TBCK: variants seen among roughly 807,000 people sequenced by gnomAD.
TBCK encodes the protein TBC1 domain containing kinase.
Under a neutral mutation model 113.4 loss-of-function variants are expected in TBCK, and 99 were observed. The observed-to-expected ratio is 0.87, with a 90% CI of 0.74 to 1.03. The LOEUF (loss-of-function observed/expected upper bound fraction) is 1.03, where lower values mean the gene tolerates loss of function less well. TBCK is among the 50% of genes least tolerant of loss of function. The probability of loss-of-function intolerance (pLI) is 0.00; values close to 1 mark genes in which losing one functional copy is unlikely to be tolerated. For synonymous variants in TBCK, 369 were observed against 370.8 expected, an observed-to-expected ratio of 1.00 and a Z score of 0.05; for missense variants, 1,045 against 1,061.3, an observed-to-expected ratio of 0.98 and a Z score of 0.21.
At chr4:106,285,652 G>C (rs1448345063) in intron 3 of TBCK, among the ~76,000 whole-genome samples, 1 of 152,078 alleles carries the variant, frequency 6.6e-6, no homozygotes, top group Non-Finnish European at 1.5e-5. Flanking sequence ...TGATGCTTAT[G>C]TTTAGAAAAT....
intron 1 of TBCK, among the ~76,000 whole-genome samples, chr4:106,311,227 ACAC>A (rs1768164962): frequency 1.3e-5 from 2 of 151,674 alleles, no homozygotes; most frequent in African/African-American, 4.8e-5. Flanking sequence ...ACACACACAC[ACAC>A]ACACACACAC....
chr4:106,224,849 A>T (rs1437269556), intron 19 of TBCK, among the ~76,000 whole-genome samples: 1 of 152,122 alleles, frequency 6.6e-6, no homozygotes, highest in Non-Finnish European at 1.5e-5. Context: ...TCCTACTCAA[A>T]CTTCAAATTC....
intron 19 of TBCK, among the ~76,000 whole-genome samples, chr4:106,219,232 AG>A (rs1375953645): frequency 2.3e-5 from 2 of 86,892 alleles, no homozygotes; most frequent in East Asian, 8.4e-4. Context: ...GGGTGGGGGG[AG>A]GGGGGAGGGA....
At chr4:106,292,244 G>A (rs1248346758) in intron 3 of TBCK, among the ~76,000 whole-genome samples, 1 of 152,052 alleles carries the variant, frequency 6.6e-6, no homozygotes, top group African/African-American at 2.4e-5. Context: ...ACAACGTTTT[G>A]CAGGATATGA....
chr4:106,241,971 C>T (rs11097926), intron 12 of TBCK, among the ~76,000 whole-genome samples: 152,036 of 152,040 alleles, frequency 1, 76,016 homozygotes, highest in Non-Finnish European at 1. Context: ...CCATGACATA[C>T]AGCTCACAAA....
chr4:106,280,623 A>T (rs1031353845), intron 3 of TBCK, among the ~76,000 whole-genome samples: 3 of 152,240 alleles, frequency 2.0e-5, no homozygotes, highest in African/African-American at 7.2e-5. Context: ...TGAGAGACAG[A>T]GGTCTAGTTT....
At chr4:106,063,822 A>G (rs1024097134) in intron 25 of TBCK, among the ~76,000 whole-genome samples, 1 of 151,828 alleles carries the variant, frequency 6.6e-6, no homozygotes, top group African/African-American at 2.4e-5. Flanking sequence ...CAGCATAAAG[A>G]TGGCCATATA....
chr4:106,244,499 T>C (rs1019478441), intron 11 of TBCK, 127 bp downstream of exon 11: 22 of 831,002 alleles, frequency 2.6e-5, no homozygotes, highest in Non-Finnish European at 3.4e-5. Flanking sequence ...CTGGGATGCC[T>C]ACCAAAAAAA....
intron 25 of TBCK, among the ~76,000 whole-genome samples, chr4:106,091,331 G>C (rs2149509422): frequency 6.6e-6 from 1 of 152,304 alleles, no homozygotes; most frequent in South Asian, 2.1e-4. Flanking sequence ...TTATTACCAT[G>C]GAGAGGACAT....
At chr4:106,056,167 T>C (rs575315809) in intron 25 of TBCK, among the ~76,000 whole-genome samples, 77 of 151,594 alleles carry the variant, frequency 5.1e-4, no homozygotes, top group African/African-American at 1.8e-3. Flanking sequence ...AATCACATTC[T>C]TTTCAAACCT....
At chr4:106,144,727 G>A (rs1014198952) in intron 23 of TBCK, among the ~76,000 whole-genome samples, 2 of 151,846 alleles carry the variant, frequency 1.3e-5, no homozygotes, top group African/African-American at 4.8e-5. Context: ...CCTCTAACTT[G>A]TTCATATTTT....
intron 23 of TBCK, among the ~76,000 whole-genome samples, chr4:106,148,266 C>A (rs866213925): frequency 6.6e-6 from 1 of 152,262 alleles, no homozygotes; most frequent in South Asian, 2.1e-4. Context: ...ATCTCTGTGA[C>A]CCACACCTAT....
chr4:106,293,236 T>C (rs551388731), intron 3 of TBCK, among the ~76,000 whole-genome samples: 35 of 152,122 alleles, frequency 2.3e-4, no homozygotes, highest in Non-Finnish European at 4.3e-4. Flanking sequence ...AATCACTCCT[T>C]TTCAGCCTGC....
intron 23 of TBCK, among the ~76,000 whole-genome samples, chr4:106,140,938 A>G (rs1314310366): frequency 1.4e-5 from 2 of 140,790 alleles, no homozygotes; most frequent in Non-Finnish European, 3.2e-5. Context: ...TAAAATGGCA[A>G]AGCTCAGTAA....
At chr4:106,078,714 G>C (rs1031151722) in intron 25 of TBCK, among the ~76,000 whole-genome samples, 4 of 150,368 alleles carry the variant, frequency 2.7e-5, no homozygotes, top group Non-Finnish European at 5.9e-5. Context: ...AAAAAGAAGA[G>C]CTGATGTCAG....
rs976654604 is a variant in TBCK at position 106,308,811 on chromosome 4, A to G, written c.150T>C (p.His50=). Residue 50 remains histidine, a synonymous_variant, in exon 2 of 26, where the codon CAT becomes CAC. Coordinates refer to ENST00000394708, the MANE Select transcript of TBCK (RefSeq NM_001163435.3). ...TATCCACATACTGGCAGAGTCTGGG[A>G]TGGGTGATGGTTTTAAGGATTTGAA... The part of the protein sequence containing the change: ...GRFQILKTIT[H]PRLCQYVDIS... The G allele has an allele frequency of 1.2e-6, 2 of 1,614,000 alleles. No individual in the cohort carries two copies. Among genetic ancestry groups the G allele is most frequent in the Non-Finnish European group, 1.7e-6 (2 of 1,180,006 alleles).
At chr4:106,056,971 T>C (rs903823946) in intron 25 of TBCK, among the ~76,000 whole-genome samples, 2 of 151,864 alleles carry the variant, frequency 1.3e-5, no homozygotes, top group Non-Finnish European at 2.9e-5. Context: ...CATTAACTTA[T>C]ATTTACATGA....
rs575871162 is a variant in TBCK at position 106,233,132 on chromosome 4, G to C, written c.1513-68C>G. ...AATCAGCAATAAACCCTTAATCCTTGTTCATTAAATAAGGAAAAGGAGAAG... is the reference window on the plus strand; with the variant it reads ...AATCAGCAATAAACCCTTAATCCTTCTTCATTAAATAAGGAAAAGGAGAAG... On this transcript the variant is annotated intron_variant, in intron 16 of 25. Coordinates refer to ENST00000394708, the MANE Select transcript of TBCK (RefSeq NM_001163435.3). The C allele has an allele frequency of 1.5e-4, 198 of 1,355,902 alleles. No individual in the cohort carries two copies. The East Asian group carries it at 4.7e-3, about 32-fold the overall frequency. 84.0% of individuals were successfully genotyped at this position (1,355,902 alleles called of 1,614,324 possible).
At chr4:106,150,193 T>C (rs1457367610) in intron 23 of TBCK, among the ~76,000 whole-genome samples, 1 of 152,130 alleles carries the variant, frequency 6.6e-6, no homozygotes, top group Non-Finnish European at 1.5e-5. Flanking sequence ...CTTTTGTTCA[T>C]GAAGAAAAAG....
Sources: allele counts gnomAD v4.1 joint callset (sites outside exome capture counted in the v4.1 genomes callset), GRCh38; gene constraint gnomAD v4.1.1; transcripts MANE v1.5; gene names NCBI Gene and HGNC (gene_info 2026-07-23, HGNC 2026-07-21).